GPATCH2: variants seen among roughly 807,000 people sequenced by gnomAD.
GPATCH2 encodes G patch domain-containing protein 2.
In GPATCH2, 51 loss-of-function variants were observed where a neutral mutation model predicts 58.0. The ratio of observed to expected loss-of-function variants is 0.88; its 90% CI spans 0.70 to 1.11. The LOEUF is 1.11. Ranked by LOEUF, GPATCH2 falls within the 50% of genes most tolerant of loss-of-function variation. The probability of loss-of-function intolerance (pLI) is 0.00; values close to 1 mark genes in which losing one functional copy is unlikely to be tolerated. For synonymous variants in GPATCH2, 222 were observed against 218.5 expected, an observed-to-expected ratio of 1.02 and a Z score of -0.14; for missense variants, 625 against 652.2, an observed-to-expected ratio of 0.96 and a Z score of 0.45.
chr1:217,535,482 T>C (rs1664415065), intron 5 of GPATCH2, among the ~76,000 whole-genome samples: 1 of 152,178 alleles, frequency 6.6e-6, no homozygotes, highest in South Asian at 2.1e-4. Flanking sequence ...CCACAGTAGG[T>C]GGGACTACAG....
At chr1:217,478,415 T>C (rs1393525474) in intron 8 of GPATCH2, among the ~76,000 whole-genome samples, 1 of 152,110 alleles carries the variant, frequency 6.6e-6, no homozygotes, top group Non-Finnish European at 1.5e-5. Context: ...AAAATTCTAT[T>C]AGACAAATTT....
At chr1:217,496,245 T>C (rs1662001034) in intron 7 of GPATCH2, among the ~76,000 whole-genome samples, 2 of 152,150 alleles carry the variant, frequency 1.3e-5, no homozygotes, top group Admixed American at 6.6e-5. Flanking sequence ...CTTGCTAACA[T>C]TTATTTGTAA....
At chr1:217,479,706 T>TA (rs1661132358) in intron 8 of GPATCH2, among the ~76,000 whole-genome samples, 1 of 152,078 alleles carries the variant, frequency 6.6e-6, no homozygotes, top group South Asian at 2.1e-4. Context: ...CTCCAGTTAA[T>TA]AGACAGAGAA....
At chr1:217,580,106 A>T (rs886773050) in intron 5 of GPATCH2, among the ~76,000 whole-genome samples, 1 of 152,208 alleles carries the variant, frequency 6.6e-6, no homozygotes, top group Non-Finnish European at 1.5e-5. Flanking sequence ...TTCACTTAGG[A>T]ATGTATTATA....
chr1:217,576,260 GA>G (rs1666798230), intron 5 of GPATCH2, among the ~76,000 whole-genome samples: 1 of 152,070 alleles, frequency 6.6e-6, no homozygotes, highest in African/African-American at 2.4e-5. Context: ...AACCAGTGAT[GA>G]CACACTATCT....
chr1:217,536,268 G>T (rs1664457387), intron 5 of GPATCH2, among the ~76,000 whole-genome samples: 1 of 152,086 alleles, frequency 6.6e-6, no homozygotes, highest in African/African-American at 2.4e-5. Context: ...AATAATCTCA[G>T]CCATAAATTG....
intron 5 of GPATCH2, among the ~76,000 whole-genome samples, chr1:217,561,801 C>T (rs1013856429): frequency 6.6e-6 from 1 of 152,164 alleles, no homozygotes; most frequent in African/African-American, 2.4e-5. Context: ...ACACAGCTCA[C>T]AGACACTCTC....
intron 7 of GPATCH2, chr1:217,495,202 G>C (rs1661951811): frequency 6.2e-6 from 1 of 162,584 alleles, no homozygotes; most frequent in Non-Finnish European, 1.3e-5. Flanking sequence ...GTGGATAATG[G>C]TTTTTACATT....
chr1:217,566,500 AT>A (rs1234069571), intron 5 of GPATCH2, among the ~76,000 whole-genome samples: 3 of 152,208 alleles, frequency 2.0e-5, no homozygotes, highest in African/African-American at 7.2e-5. Context: ...AGCATTATTA[AT>A]TTTTTATATA....
At chr1:217,592,761 C>A (rs187726461) in intron 5 of GPATCH2, among the ~76,000 whole-genome samples, 6 of 151,910 alleles carry the variant, frequency 3.9e-5, no homozygotes, top group Non-Finnish European at 8.9e-5. Flanking sequence ...TTCTGTAAGA[C>A]ATAGAGATAG....
chr1:217,435,008 A>C (rs545495941), intron 9 of GPATCH2, among the ~76,000 whole-genome samples: 21 of 152,198 alleles, frequency 1.4e-4, no homozygotes, highest in Non-Finnish European at 2.5e-4. Context: ...CAACCCAAAA[A>C]ACAAAAAAAA....
At chr1:217,463,335 A>G (rs1468737149) in intron 8 of GPATCH2, among the ~76,000 whole-genome samples, 1 of 152,114 alleles carries the variant, frequency 6.6e-6, no homozygotes, top group Non-Finnish European at 1.5e-5. Context: ...CTTAAAATCT[A>G]CCGTAGAGAT....
At chr1:217,507,293 G>C (rs1456629693) in intron 6 of GPATCH2, among the ~76,000 whole-genome samples, 1 of 152,182 alleles carries the variant, frequency 6.6e-6, no homozygotes, top group Non-Finnish European at 1.5e-5. Flanking sequence ...AGAAGACCAG[G>C]ATGCTAACGG....
intron 8 of GPATCH2, among the ~76,000 whole-genome samples, chr1:217,469,182 GATA>G (rs1174473565): frequency 6.6e-6 from 1 of 152,078 alleles, no homozygotes; most frequent in African/African-American, 2.4e-5. Flanking sequence ...CCTTAGAAAG[GATA>G]ATAGTAGTTT....
At chr1:217,438,324 C>T (rs1658946544) in intron 9 of GPATCH2, among the ~76,000 whole-genome samples, 1 of 152,140 alleles carries the variant, frequency 6.6e-6, no homozygotes, top group Non-Finnish European at 1.5e-5. Flanking sequence ...AACGCCTCTT[C>T]TCCTCTAAAG....
At chr1:217,471,097 CATATAA>C (rs983221031) in intron 8 of GPATCH2, among the ~76,000 whole-genome samples, 29 of 151,668 alleles carry the variant, frequency 1.9e-4, no homozygotes, top group Non-Finnish European at 3.8e-4. Flanking sequence ...TTATTTTGGA[CATATAA>C]ATATAAATAT....
Position 217,508,644 on chromosome 1 carries a change from A to G in GPATCH2, c.1166+6178T>C, listed in dbSNP as rs185694540. On this transcript the variant is annotated intron_variant, in intron 6 of 9. Coordinates refer to ENST00000366935, the MANE Select transcript of GPATCH2 (RefSeq NM_018040.5). ...GAAGTAACTCCATTTTTATGCTTAC[A>G]TGTATTTTTAATGTAGTCATATATT... Among the ~76,000 whole-genome samples the G allele has an allele frequency of 1.6e-4, 25 of 152,290 alleles. No individual in the cohort carries two copies. In the East Asian group the frequency reaches 4.6e-3, roughly 28 times the overall value.
At chr1:217,614,325 A>G in intron 2 of GPATCH2, 123 bp from the exon 3 acceptor site, 1 of 626,902 alleles carries the variant, frequency 1.6e-6, no homozygotes, top group South Asian at 2.0e-5. Context: ...GAAAGAAAAT[A>G]AGATGATTTT....
intron 8 of GPATCH2, among the ~76,000 whole-genome samples, chr1:217,487,975 C>T (rs1006541049): frequency 8.6e-5 from 13 of 151,884 alleles, no homozygotes; most frequent in African/African-American, 2.2e-4. Context: ...CTCCTGACCT[C>T]GTGATCCACC....
Sources: allele counts gnomAD v4.1 joint callset (sites outside exome capture counted in the v4.1 genomes callset), GRCh38; gene constraint gnomAD v4.1.1; transcripts MANE v1.5; gene names NCBI Gene and HGNC (gene_info 2026-07-23, HGNC 2026-07-21).